The following ZNG1E variants were observed in gnomAD, a reference collection of about 807,000 sequenced individuals.
The protein encoded by ZNG1E is Zn regulated GTPase metalloprotein activator 1E.
At chr9:65,704,434 A>T in the ZNG1E span, 1 of 411,652 alleles carries the variant, frequency 2.4e-6, no homozygotes. Context: ...TTGCCAATGC[A>T]TCTGAGAATC....
At chr9:65,660,648 T>G in the ZNG1E span, among the ~76,000 whole-genome samples, 54 of 151,740 alleles carry the variant, frequency 3.6e-4, no homozygotes, top group African/African-American at 1.3e-3. Flanking sequence ...AGAAGAAGCT[T>G]ACAAGAATGA....
At chr9:65,680,709 T>C in the ZNG1E span, among the ~76,000 whole-genome samples, 2 of 152,258 alleles carry the variant, frequency 1.3e-5, no homozygotes, top group Non-Finnish European at 2.9e-5. Flanking sequence ...GTAATTCTTA[T>C]AGATAACAAG....
chr9:65,657,895 G>A, the ZNG1E span, among the ~76,000 whole-genome samples: 2 of 152,278 alleles, frequency 1.3e-5, no homozygotes, highest in Non-Finnish European at 2.9e-5. Context: ...GAGGTCGGGA[G>A]TTTGAGACCA....
the ZNG1E span, among the ~76,000 whole-genome samples, chr9:65,717,880 T>C: frequency 6.8e-6 from 1 of 146,028 alleles, no homozygotes; most frequent in Non-Finnish European, 1.5e-5. Flanking sequence ...GAAGATGAGG[T>C]TTTGCCATGT....
the ZNG1E span, among the ~76,000 whole-genome samples, chr9:65,660,511 T>G: frequency 1.3e-5 from 2 of 152,246 alleles, no homozygotes; most frequent in Non-Finnish European, 2.9e-5. Flanking sequence ...GTTGGAAGTG[T>G]GGGGAGATAG....
At chr9:65,676,287 C>T in the ZNG1E span, among the ~76,000 whole-genome samples, 23 of 123,068 alleles carry the variant, frequency 1.9e-4, no homozygotes, top group Middle Eastern at 3.7e-3. Flanking sequence ...TATGGGTTAC[C>T]TCTCATCTTG....
the ZNG1E span, among the ~76,000 whole-genome samples, chr9:65,722,792 G>T: frequency 1.1e-5 from 1 of 89,762 alleles, no homozygotes; most frequent in African/African-American, 5.1e-5. Flanking sequence ...GACTTCAGGT[G>T]ATCCACCTGC....
At chr9:65,666,039 T>G in the ZNG1E span, among the ~76,000 whole-genome samples, 12 of 149,986 alleles carry the variant, frequency 8.0e-5, no homozygotes, top group Non-Finnish European at 1.0e-4. Flanking sequence ...CTTTGGACTT[T>G]GGACTGTGGA....
At chr9:65,722,697 A>ATTTTTGTTTTTTTTTTT in the ZNG1E span, among the ~76,000 whole-genome samples, 1 of 8,396 alleles carries the variant, frequency 1.2e-4, no homozygotes, top group Non-Finnish European at 2.0e-4. Flanking sequence ...TGCCTAGCTA[A>ATTTTTGTTTTTTTTTTT]TTTTTTTTTT....
chr9:65,660,273 C>A, the ZNG1E span, among the ~76,000 whole-genome samples: 1 of 121,542 alleles, frequency 8.2e-6, no homozygotes, highest in African/African-American at 4.1e-5. Context: ...ATTTAAGCAA[C>A]TTTTTAAGAG....
chr9:65,666,310 A>T, the ZNG1E span, among the ~76,000 whole-genome samples: 3 of 149,908 alleles, frequency 2.0e-5, no homozygotes, highest in Non-Finnish European at 4.4e-5. Flanking sequence ...AAGTCTCATG[A>T]GATCTGATGG....
At chr9:65,666,201 A>G in the ZNG1E span, among the ~76,000 whole-genome samples, 1 of 150,576 alleles carries the variant, frequency 6.6e-6, no homozygotes. Context: ...CCCCACCCAA[A>G]TCTTATCTTG....
the ZNG1E span, among the ~76,000 whole-genome samples, chr9:65,719,146 A>C: frequency 7.7e-6 from 1 of 129,312 alleles, no homozygotes; most frequent in East Asian, 2.2e-4. Context: ...TGATCTCACC[A>C]CTATAGGGAA....
chr9:65,685,043 T>TAAAAAAAA, the ZNG1E span, among the ~76,000 whole-genome samples: 79 of 107,692 alleles, frequency 7.3e-4, no homozygotes, highest in East Asian at 1.6e-3. Flanking sequence ...CCCCATTTCT[T>TAAAAAAAA]AAAAAAAAAA....
At chr9:65,715,309 G>A in the ZNG1E span, among the ~76,000 whole-genome samples, 2 of 150,692 alleles carry the variant, frequency 1.3e-5, no homozygotes, top group South Asian at 4.2e-4. Flanking sequence ...GCACTCCCTA[G>A]TGAGATGAAC....
the ZNG1E span, among the ~76,000 whole-genome samples, chr9:65,686,512 T>G: frequency 1.3e-5 from 2 of 152,120 alleles, no homozygotes; most frequent in African/African-American, 4.8e-5. Flanking sequence ...GGTGGGAGCC[T>G]GTAATCCCAG....
chr9:65,680,944 A>G, the ZNG1E span, among the ~76,000 whole-genome samples: 5 of 152,222 alleles, frequency 3.3e-5, no homozygotes, highest in African/African-American at 1.2e-4. Flanking sequence ...GCCCGCTACC[A>G]CACCTGGCTA....
the ZNG1E span, among the ~76,000 whole-genome samples, chr9:65,699,052 A>G: frequency 6.8e-6 from 1 of 148,042 alleles, no homozygotes; most frequent in Non-Finnish European, 1.5e-5. Flanking sequence ...ATGCCCAGCT[A>G]ATTTTTGCAT....
chr9:65,702,551 AGT>A, the ZNG1E span, among the ~76,000 whole-genome samples: 1 of 147,810 alleles, frequency 6.8e-6, no homozygotes, highest in Non-Finnish European at 1.5e-5. Flanking sequence ...TTTTATTTTT[AGT>A]GTGTATATAG....
Sources: gnomAD v4.1 joint callset for allele counts (sites outside exome capture counted in the v4.1 genomes callset) on GRCh38, gnomAD v4.1.1 for gene constraint, MANE v1.5 for transcripts, NCBI Gene and HGNC (gene_info 2026-07-23, HGNC 2026-07-21) for gene names.